SNX30: variants seen among roughly 807,000 people sequenced by gnomAD.
SNX30 encodes sorting nexin-30.
SNX30 carries 24 observed loss-of-function variants against 46.4 expected under a neutral mutation model. The observed-to-expected ratio is 0.52, with a 90% CI of 0.37 to 0.73. The LOEUF is 0.73. Ranked by LOEUF, SNX30 falls within the 30% of genes least tolerant of loss-of-function variation. The pLI is 0.00. For missense variants in SNX30, 533 were observed against 555.7 expected, an observed-to-expected ratio of 0.96 and a Z score of 0.41; for synonymous variants, 189 against 211.5, an observed-to-expected ratio of 0.89 and a Z score of 0.92.
chr9:112,848,429 GC>G (rs920498415), intron 6 of SNX30, among the ~76,000 whole-genome samples: 25 of 152,126 alleles, frequency 1.6e-4, no homozygotes, highest in African/African-American at 5.8e-4. Flanking sequence ...AGAACACGTT[GC>G]CCAACCTTCA....
intron 7 of SNX30, among the ~76,000 whole-genome samples, chr9:112,857,793 CAACCATCCATCCATCCATCT>C (rs1442689152): frequency 1.3e-5 from 2 of 148,640 alleles, no homozygotes; most frequent in African/African-American, 5.0e-5. Context: ...TCCATCCATC[CAACCATCCATCCATCCATCT>C]ATCTATTTAT....
At chr9:112,865,704 T>C (rs1459001373) in intron 8 of SNX30, among the ~76,000 whole-genome samples, 2 of 142,634 alleles carry the variant, frequency 1.4e-5, no homozygotes, top group Non-Finnish European at 3.1e-5. Flanking sequence ...TACACACATA[T>C]ATATACACAC....
At chr9:112,804,647 A>G in intron 1 of SNX30, 129 bp from the exon 2 acceptor site, 1 of 691,398 alleles carries the variant, frequency 1.4e-6, no homozygotes, top group Non-Finnish European at 2.4e-6. Context: ...GAGTAGGGAG[A>G]GGCTCAGGTG....
At chr9:112,828,577 A>G (rs1840612648) in intron 3 of SNX30, among the ~76,000 whole-genome samples, 8 of 152,194 alleles carry the variant, frequency 5.3e-5, no homozygotes, top group Admixed American at 5.2e-4. Flanking sequence ...GAGGGGAGCA[A>G]TGACCAAAAA....
chr9:112,787,984 A>G (rs1244662942), intron 1 of SNX30, among the ~76,000 whole-genome samples: 3 of 151,984 alleles, frequency 2.0e-5, no homozygotes, highest in African/African-American at 7.2e-5. Flanking sequence ...TATGTTTACT[A>G]GAAACAGGGT....
In SNX30 at chr9:112,750,845, G is replaced by C; in HGVS notation, c.-157G>C. The C allele has an allele frequency of 1.8e-6, 1 of 565,706 alleles. No individual in the cohort carries two copies. Among genetic ancestry groups the C allele is most frequent in the Non-Finnish European group, 2.3e-6 (1 of 440,686 alleles). 35.0% of individuals were successfully genotyped at this position (565,706 alleles called of 1,614,324 possible). ...GGAGCGGAGCGTCTGAGCGCCGGCAGAGACCAGCCGGCGGGTGGCGGCGGC... is the reference window on the plus strand; with the variant it reads ...GGAGCGGAGCGTCTGAGCGCCGGCACAGACCAGCCGGCGGGTGGCGGCGGC... On this transcript the variant is annotated 5_prime_UTR_variant, in exon 1 of 9. Transcript: ENST00000374232.
intron 1 of SNX30, among the ~76,000 whole-genome samples, chr9:112,784,533 TC>T (rs1447047513): frequency 6.6e-6 from 1 of 152,162 alleles, no homozygotes; most frequent in East Asian, 1.9e-4. Context: ...TTTTTTGCCT[TC>T]TGCACTTCAC....
chr9:112,797,991 C>T (rs995579993), intron 1 of SNX30, among the ~76,000 whole-genome samples: 1 of 150,062 alleles, frequency 6.7e-6, no homozygotes, highest in Non-Finnish European at 1.5e-5. Flanking sequence ...TAATTACAGG[C>T]GTGAGGCACT....
intron 2 of SNX30, among the ~76,000 whole-genome samples, chr9:112,811,722 G>C (rs190267920): frequency 2.0e-5 from 3 of 152,260 alleles, no homozygotes; most frequent in Admixed American, 1.3e-4. Flanking sequence ...CCGTGACCTT[G>C]TGATCTTTGG....
chr9:112,751,589 G>A (rs1234737830), intron 1 of SNX30, among the ~76,000 whole-genome samples: 1 of 152,344 alleles, frequency 6.6e-6, no homozygotes, highest in African/African-American at 2.4e-5. Context: ...CTGGGACCGG[G>A]CAGCCCTGGG....
intron 1 of SNX30, among the ~76,000 whole-genome samples, chr9:112,796,780 T>C (rs1223805670): frequency 6.6e-6 from 1 of 152,188 alleles, no homozygotes; most frequent in African/African-American, 2.4e-5. Context: ...ACATTGCCCT[T>C]GACCCCAGGC....
At chr9:112,822,487 A>G (rs968675675) in intron 3 of SNX30, among the ~76,000 whole-genome samples, 2 of 151,884 alleles carry the variant, frequency 1.3e-5, no homozygotes, top group African/African-American at 4.8e-5. Context: ...TCAAGGTAAT[A>G]AACAGATCCA....
At chr9:112,845,262 A>T (rs1383081659) in intron 6 of SNX30, among the ~76,000 whole-genome samples, 1 of 152,134 alleles carries the variant, frequency 6.6e-6, no homozygotes, top group Non-Finnish European at 1.5e-5. Flanking sequence ...TTGGGAACGG[A>T]TTGAGAGTTA....
At chr9:112,834,882 A>ACACACACACACACACACACACACAC (rs56385707) in intron 4 of SNX30, among the ~76,000 whole-genome samples, 2 of 105,248 alleles carry the variant, frequency 1.9e-5, no homozygotes, top group African/African-American at 5.9e-5. Context: ...ACACACACAC[A>ACACACACACACACACACACACACAC]CCTACCTCAA....
Position 112,754,771 on chromosome 9 carries a change from C to A in SNX30, c.156+3614C>A, listed in dbSNP as rs115948656. On this transcript the variant is annotated intron_variant, in intron 1 of 8. Transcript: ENST00000374232. ...CTTACTCTCCTTTTTTAACTTTCATCTGTAAATTGCTCCAGGCTGCTTCTC... is the reference window on the plus strand; with the variant it reads ...CTTACTCTCCTTTTTTAACTTTCATATGTAAATTGCTCCAGGCTGCTTCTC... Among the ~76,000 whole-genome samples the A allele has an allele frequency of 6.4e-3, 981 of 152,242 alleles. 14 individuals carry two copies. The highest frequency in any genetic ancestry group is 0.022 in the African/African-American group (929 of 41,536).
upstream of SNX30, among the ~76,000 whole-genome samples, chr9:112,749,741 G>C (rs924203792): frequency 1.3e-5 from 2 of 152,218 alleles, no homozygotes; most frequent in Non-Finnish European, 2.9e-5. Flanking sequence ...CTGTGGTAGA[G>C]GCCTTAGTGA....
chr9:112,799,096 G>A (rs1409625825), intron 1 of SNX30, among the ~76,000 whole-genome samples: 2 of 26,434 alleles, frequency 7.6e-5, no homozygotes, highest in African/African-American at 2.2e-4. Context: ...TCACTCTGAT[G>A]GTAGTTTCTT....
chr9:112,760,301 G>A (rs548297847), intron 1 of SNX30, among the ~76,000 whole-genome samples: 3 of 152,276 alleles, frequency 2.0e-5, no homozygotes, highest in Admixed American at 6.5e-5. Flanking sequence ...GGGCCCTGGA[G>A]GGGAGGCAGC....
chr9:112,830,728 C>G lies in SNX30; in HGVS notation c.463C>G (p.Leu155Val), dbSNP rs781141113. The change falls in exon 4 of 9, where the codon CTT (leucine) becomes GTT (valine). Residue 155 changes from leucine to valine, a missense_variant. Leu to Val is a conservative substitution (Grantham distance 32). Transcript: ENST00000374232. ...ESQPTHLIPPLPEKFVVKGVV... is the reference protein window; with the variant it reads ...ESQPTHLIPPVPEKFVVKGVV... ...TTTTTTCTTCATGTCTTCATAGCCT[C>G]TTCCCGAGAAGTTTGTGGTAAAAGG... The G allele has an allele frequency of 1.9e-6, 3 of 1,608,894 alleles. No individual in the cohort carries two copies. The highest frequency in any genetic ancestry group is 2.5e-6 in the Non-Finnish European group (3 of 1,178,724).
Sources: allele counts gnomAD v4.1 joint callset (sites outside exome capture counted in the v4.1 genomes callset), GRCh38; gene constraint gnomAD v4.1.1; transcripts MANE v1.5; gene names NCBI Gene and HGNC (gene_info 2026-07-23, HGNC 2026-07-21).